Variants in PRSS12 observed in about 807,000 individuals in gnomAD.
The protein encoded by PRSS12 is serine protease 12.
In PRSS12, 85 loss-of-function variants were observed where a neutral mutation model predicts 104.4. That is an observed-to-expected ratio of 0.81 (90% CI 0.68 to 0.98). The LOEUF (loss-of-function observed/expected upper bound fraction) is 0.98, where lower values mean the gene tolerates loss of function less well. PRSS12 is among the 50% of genes least tolerant of loss of function. PRSS12 has a pLI of 0.00. For missense variants in PRSS12, 1,141 were observed against 1,139.2 expected, an observed-to-expected ratio of 1.00 and a Z score of -0.02; for synonymous variants, 454 against 425.2, an observed-to-expected ratio of 1.07 and a Z score of -0.83.
intron 4 of PRSS12, among the ~76,000 whole-genome samples, chr4:118,330,797 T>A (rs1723898508): frequency 6.6e-6 from 1 of 152,216 alleles, no homozygotes; most frequent in African/African-American, 2.4e-5. Context: ...AGTGTCTATA[T>A]TTTACTTTAA....
chr4:118,342,259 T>C (rs1381568524), intron 1 of PRSS12, among the ~76,000 whole-genome samples: 2 of 152,236 alleles, frequency 1.3e-5, no homozygotes, highest in Non-Finnish European at 2.9e-5. Context: ...TTGCTGTACC[T>C]AACAATAAAG....
At chr4:118,309,527 C>T (rs188098504) in intron 7 of PRSS12, among the ~76,000 whole-genome samples, 1 of 152,170 alleles carries the variant, frequency 6.6e-6, no homozygotes, top group Non-Finnish European at 1.5e-5. Context: ...AGGAACCAAC[C>T]CTACTGACAT....
chr4:118,325,324 A>T (rs972417646), intron 4 of PRSS12, among the ~76,000 whole-genome samples: 6 of 135,646 alleles, frequency 4.4e-5, no homozygotes, highest in Admixed American at 7.3e-5. Flanking sequence ...GCTGAAAATT[A>T]AAAAAAAAAA....
chr4:118,323,397 T>A (rs1723683077), intron 4 of PRSS12, among the ~76,000 whole-genome samples: 1 of 150,902 alleles, frequency 6.6e-6, no homozygotes, highest in Non-Finnish European at 1.5e-5. Context: ...CGGAAGAATA[T>A]AAAATTTGAT....
At chr4:118,334,481 T>C (rs1724011841) in intron 3 of PRSS12, among the ~76,000 whole-genome samples, 1 of 152,074 alleles carries the variant, frequency 6.6e-6, no homozygotes. Flanking sequence ...AAAAGTAGCA[T>C]TACCCAAAGG....
chr4:118,312,082 A>G (rs1471474287), intron 7 of PRSS12, among the ~76,000 whole-genome samples: 1 of 152,204 alleles, frequency 6.6e-6, no homozygotes, highest in Non-Finnish European at 1.5e-5. Flanking sequence ...CCTGCAAGAG[A>G]TGGAATAAAA....
chr4:118,333,235 A>T (rs1012418782), intron 3 of PRSS12, among the ~76,000 whole-genome samples: 3 of 152,228 alleles, frequency 2.0e-5, no homozygotes, highest in African/African-American at 7.2e-5. Flanking sequence ...GGTAAAAATT[A>T]ACAGGTTGGT....
chr4:118,321,436 G>T (rs190729570), intron 4 of PRSS12, among the ~76,000 whole-genome samples: 9 of 152,294 alleles, frequency 5.9e-5, no homozygotes, highest in Admixed American at 2.6e-4. Flanking sequence ...CAGACTCTCA[G>T]CTTCCAATCT....
chr4:118,318,176 C>T (rs1723498409), intron 5 of PRSS12, among the ~76,000 whole-genome samples: 1 of 152,104 alleles, frequency 6.6e-6, no homozygotes, highest in African/African-American at 2.4e-5. Context: ...ACTATATAGC[C>T]TTAAATTGAA....
chr4:118,288,305 T>C (rs1743055460), intron 11 of PRSS12, among the ~76,000 whole-genome samples: 1 of 152,222 alleles, frequency 6.6e-6, no homozygotes, highest in Admixed American at 6.5e-5. Context: ...CTATGTGTAC[T>C]ACAGAAATAG....
chr4:118,319,114 G>A (rs1409893200), intron 4 of PRSS12, among the ~76,000 whole-genome samples: 1 of 151,774 alleles, frequency 6.6e-6, no homozygotes, highest in Non-Finnish European at 1.5e-5. Context: ...GGCTGGAGTG[G>A]TGTGGCATGA....
intron 1 of PRSS12, among the ~76,000 whole-genome samples, chr4:118,345,932 T>C (rs1176277216): frequency 6.6e-6 from 1 of 152,214 alleles, no homozygotes; most frequent in African/African-American, 2.4e-5. Flanking sequence ...TTAAGCTAAC[T>C]AATCTATGTA....
At position 118,352,827 on chromosome 4, in the gene PRSS12, C is replaced by T. The variant is rs1724561106; in HGVS notation, c.-107G>A. 4 of 1,502,060 alleles carry T rather than the reference C, an allele frequency of 2.7e-6. No individual in the cohort carries two copies. The highest frequency in any genetic ancestry group is 2.5e-5 in the East Asian group (1 of 39,432). 93.0% of individuals were successfully genotyped at this position (1,502,060 alleles called of 1,614,324 possible). A position where few individuals can be genotyped will look rare whatever the true frequency, so the allele number is the denominator to read the frequency against. ...CTGCCGCGTCCCTCGAATCCCCCAG[C>T]CCCCTCCCGCCCCCGCACGCGGACC... is the stretch of plus-strand genomic sequence containing the variant. On this transcript the variant is annotated 5_prime_UTR_variant, in exon 1 of 13. Coordinates refer to ENST00000296498, the MANE Select transcript of PRSS12 (RefSeq NM_003619.4).
chr4:118,327,332 G>C (rs924509725), intron 4 of PRSS12, among the ~76,000 whole-genome samples: 2 of 151,438 alleles, frequency 1.3e-5, no homozygotes, highest in African/African-American at 2.4e-5. Flanking sequence ...TTTTTTTCTT[G>C]TAGAGATGGG....
chr4:118,347,865 T>C (rs1237966203), intron 1 of PRSS12, among the ~76,000 whole-genome samples: 1 of 152,150 alleles, frequency 6.6e-6, no homozygotes, highest in Non-Finnish European at 1.5e-5. Context: ...CAAGCTATTG[T>C]TGGGGGAAAT....
At chr4:118,338,152 T>A (rs773568934) in intron 2 of PRSS12, 24 bp downstream of exon 2, 1 of 1,613,750 alleles carries the variant, frequency 6.2e-7, no homozygotes, top group South Asian at 1.1e-5. Context: ...GCTGACTGAT[T>A]TGGTCAGGGA....
At chr4:118,310,283 A>T (rs890105928) in intron 7 of PRSS12, among the ~76,000 whole-genome samples, 4 of 152,170 alleles carry the variant, frequency 2.6e-5, no homozygotes, top group African/African-American at 9.7e-5. Flanking sequence ...AAACATTTGC[A>T]CATGAAATTA....
chr4:118,323,350 C>T (rs1019392940), intron 4 of PRSS12, among the ~76,000 whole-genome samples: 4 of 151,762 alleles, frequency 2.6e-5, no homozygotes, highest in Non-Finnish European at 4.4e-5. Flanking sequence ...ATTCATTGAG[C>T]CATGATTAGG....
At position 118,318,482 on chromosome 4, in the gene PRSS12, C is replaced by G; in HGVS notation, c.1046G>C (p.Cys349Ser). Reference sequence around the variant, plus strand: ...CTCAATTGAAAGCTCATTCCCAGTGCAGCGTACTTCATCCAACATAACTGG... The same window carrying G: ...CTCAATTGAAAGCTCATTCCCAGTGGAGCGTACTTCATCCAACATAACTGG... ...SGPVMLDEVRCTGNELSIEQC... is the reference protein window; with the variant it reads ...SGPVMLDEVRSTGNELSIEQC... The change falls in exon 5 of 13, where the codon TGC becomes TCC. Residue 349 changes from cysteine to serine, a missense_variant. By Grantham distance (112) the Cys-to-Ser change is moderately radical. Transcript: ENST00000296498. 6.2e-7 allele frequency: 1 copy of G among 1,614,168 alleles called. No individual in the cohort carries two copies. Among genetic ancestry groups the G allele is most frequent in the Admixed American group, 1.7e-5 (1 of 60,018 alleles).
Sources: gnomAD v4.1 joint callset for allele counts (sites outside exome capture counted in the v4.1 genomes callset) on GRCh38, gnomAD v4.1.1 for gene constraint, MANE v1.5 for transcripts, NCBI Gene and HGNC (gene_info 2026-07-23, HGNC 2026-07-21) for gene names.